Variants in APOBEC3F observed in about 807,000 individuals in gnomAD.
APOBEC3F encodes apolipoprotein B mRNA editing enzyme catalytic subunit 3F, also known as DNA dC->dU-editing enzyme APOBEC-3F.
A neutral mutation model predicts 45.8 loss-of-function variants in APOBEC3F; 34 were observed. The observed-to-expected ratio is 0.74, with a 90% CI of 0.57 to 0.99. The LOEUF (loss-of-function observed/expected upper bound fraction) is 0.99. Ranked by LOEUF, APOBEC3F falls within the 50% of genes least tolerant of loss-of-function variation. APOBEC3F has a pLI of 0.00. For synonymous variants in APOBEC3F, 192 were observed against 174.4 expected (o/e 1.10, Z -0.80); for missense variants, 459 against 474.1 (o/e 0.97, Z 0.30).
chr22:39,044,128 C>T (rs759889906), intron 2 of APOBEC3F: 1 of 1,565,476 alleles, frequency 6.4e-7, no homozygotes, highest in Non-Finnish European at 8.7e-7. Flanking sequence ...GCTCAGTAGC[C>T]CCTTTGGCCA....
intron 4 of APOBEC3F, among the ~76,000 whole-genome samples, 183 bp from the exon 5 acceptor site, chr22:39,049,242 G>A (rs1927364379): frequency 6.6e-6 from 1 of 152,136 alleles, no homozygotes; most frequent in Non-Finnish European, 1.5e-5. Context: ...GGTTCCAGCT[G>A]GGAGAGGTCA....
chr22:39,055,160 C>T lies in APOBEC3F; in HGVS notation c.*2465C>T, dbSNP rs569591528. Reference sequence around the variant, plus strand: ...CAATCTCAGCTCACTGCAACCTCTGCCTTCCGAGTTCAAGCGATTCTCGTG... The same window carrying T: ...CAATCTCAGCTCACTGCAACCTCTGTCTTCCGAGTTCAAGCGATTCTCGTG... On this transcript the variant is annotated 3_prime_UTR_variant, in exon 7 of 7. Transcript: ENST00000308521. Among the ~76,000 whole-genome samples, 1 of 151,708 alleles carries T rather than the reference C, an allele frequency of 6.6e-6. No individual in the cohort carries two copies. Among genetic ancestry groups the T allele is most frequent in the African/African-American group, 2.4e-5 (1 of 41,210 alleles).
intron 6 of APOBEC3F, 72 bp downstream of exon 6, chr22:39,052,425 C>A: frequency 1.3e-6 from 2 of 1,590,788 alleles, no homozygotes; most frequent in South Asian, 1.2e-5. Flanking sequence ...TCTGCAATGC[C>A]GTGGGGCGGG....
chr22:39,041,651 G>T (rs1217670781), intron 1 of APOBEC3F, among the ~76,000 whole-genome samples: 2 of 152,072 alleles, frequency 1.3e-5, no homozygotes, highest in Non-Finnish European at 2.9e-5. Context: ...ATTGCCTGAG[G>T]TCGGGAGTTC....
chr22:39,045,374 G>A (rs1029730186), intron 3 of APOBEC3F, 54 bp from the exon 4 acceptor site: 1 of 1,612,798 alleles, frequency 6.2e-7, no homozygotes, highest in African/African-American at 1.3e-5. Context: ...AGGCCTGGGA[G>A]CGCGGGCCCA....
rs879007758 is a variant in APOBEC3F at position 39,053,017 on chromosome 22, C to T, written c.*322C>T. The T allele has an allele frequency of 2.4e-5, 5 of 212,030 alleles. No individual in the cohort carries two copies. Among genetic ancestry groups the T allele is most frequent in the Admixed American group, 5.7e-5 (1 of 17,520 alleles). 13.1% of individuals were successfully genotyped at this position (212,030 alleles called of 1,614,324 possible). ...TTTTTTTTTTTTTGAGACGGAATTT[C>T]GCTCTGTCACCCAGACTGGAGTGCA... On this transcript the variant is annotated 3_prime_UTR_variant, in exon 7 of 7. Coordinates refer to ENST00000308521, the MANE Select transcript of APOBEC3F (RefSeq NM_145298.6).
chr22:39,047,873 G>A (rs892473125), intron 4 of APOBEC3F, among the ~76,000 whole-genome samples: 4 of 152,170 alleles, frequency 2.6e-5, no homozygotes, highest in Non-Finnish European at 5.9e-5. Context: ...GGAGCAATCA[G>A]GCATTTTGTT....
intron 6 of APOBEC3F, 22 bp from the exon 7 acceptor site, chr22:39,052,555 C>T (rs774831191): frequency 5.0e-6 from 8 of 1,605,982 alleles, no homozygotes; most frequent in Admixed American, 3.4e-5. Context: ...GCCCTCACTG[C>T]TTTCTCCTTG....
At chr22:39,049,819 C>G (rs1277887956) in intron 5 of APOBEC3F, among the ~76,000 whole-genome samples, 1 of 151,858 alleles carries the variant, frequency 6.6e-6, no homozygotes, top group Non-Finnish European at 1.5e-5. Flanking sequence ...TCTGTCTCAG[C>G]CTCCTGAGTA....
chr22:39,046,553 C>A (rs941882139), intron 4 of APOBEC3F, among the ~76,000 whole-genome samples: 4 of 152,106 alleles, frequency 2.6e-5, no homozygotes, highest in African/African-American at 9.7e-5. Flanking sequence ...AATCTGCCCC[C>A]AACAGGGATG....
At position 39,045,082 on chromosome 22, in the gene APOBEC3F, G is replaced by A. The variant is rs765146813; in HGVS notation, c.313G>A (p.Glu105Lys). Reference sequence around the variant, plus strand: ...CCCGGACTGTGTGGCGAAGCTGGCCGAATTCCTGGCTGAGCACCCCAATGT... The same window carrying A: ...CCCGGACTGTGTGGCGAAGCTGGCCAAATTCCTGGCTGAGCACCCCAATGT... ...PCPDCVAKLA[E>K]FLAEHPNVTL... The change falls in exon 3 of 7, where the codon GAA becomes AAA. Residue 105 changes from glutamate (E) to lysine (K), a missense_variant. By Grantham distance (56) the Glu-to-Lys change is moderately conservative. Transcript: ENST00000308521. 7.4e-6 allele frequency: 12 copies of A among 1,613,802 alleles called. No homozygotes were observed. The highest frequency in any genetic ancestry group is 4.0e-5 in the African/African-American group (3 of 74,884).
chr22:39,051,987 G>A (rs1927509709), intron 5 of APOBEC3F, 87 bp from the exon 6 acceptor site: 1 of 1,556,810 alleles, frequency 6.4e-7, no homozygotes, highest in African/African-American at 1.4e-5. Flanking sequence ...GGGGCTCCAG[G>A]CCCGCCCTCT....
rs1454008819 is a variant in APOBEC3F, at chr22:39,052,220, C to T, written c.870C>T (p.Phe290=). 6.2e-7 allele frequency: 1 copy of T among 1,614,064 alleles called. No individual in the cohort carries two copies. The highest frequency in any genetic ancestry group is 1.3e-5 in the African/African-American group (1 of 74,916). ...AGTGTGCAGGGGAGGTGGCCGAGTTCCTGGCCAGGCACAGCAACGTGAATC... is the reference window on the plus strand; with the variant it reads ...AGTGTGCAGGGGAGGTGGCCGAGTTTCTGGCCAGGCACAGCAACGTGAATC... ...CPECAGEVAE[F]LARHSNVNLT... is the part of the protein sequence containing the mutation. Residue 290 remains phenylalanine, a synonymous_variant, in exon 6 of 7, where the codon TTC becomes TTT. Transcript: ENST00000308521.
At chr22:39,041,000 C>G (rs1367371397) in intron 1 of APOBEC3F, 23 bp downstream of exon 1, 13 of 1,580,436 alleles carry the variant, frequency 8.2e-6, no homozygotes, top group Non-Finnish European at 1.1e-5. Context: ...GCTCTACCCG[C>G]TGGGCCCCTC....
chr22:39,046,816 A>T (rs907987581), intron 4 of APOBEC3F, among the ~76,000 whole-genome samples: 1 of 151,938 alleles, frequency 6.6e-6, no homozygotes, highest in Admixed American at 6.6e-5. Context: ...GGGTTTTGCA[A>T]TGTTGGCCAG....
chr22:39,052,615 G>T lies in APOBEC3F; in HGVS notation c.1042G>T (p.Asp348Tyr). 6.2e-7 allele frequency: 1 copy of T among 1,613,982 alleles called. No homozygotes were observed. Among genetic ancestry groups the T allele is most frequent in the South Asian group, 1.1e-5 (1 of 91,060 alleles). ...YCWENFVYND[D>Y]EPFKPWKGLK... The stretch of plus-strand genomic sequence containing the variant: ...TTGGGAAAACTTTGTGTACAATGAT[G>T]ATGAGCCATTCAAGCCTTGGAAAGG... Residue 348 changes from aspartate to tyrosine, a missense_variant, in exon 7 of 7, where the codon GAT becomes TAT. Transcript: ENST00000308521.
At chr22:39,043,964 G>T in intron 2 of APOBEC3F, 4 of 1,379,282 alleles carry the variant, frequency 2.9e-6, no homozygotes, top group Non-Finnish European at 3.8e-6. Context: ...GGCAGAGGTT[G>T]TAGTGAGCCG....
intron 5 of APOBEC3F, among the ~76,000 whole-genome samples, chr22:39,051,750 G>C (rs921883134): frequency 6.6e-6 from 1 of 151,734 alleles, no homozygotes; most frequent in Non-Finnish European, 1.5e-5. Flanking sequence ...CCAAGAGTTC[G>C]AGATCAGCCT....
intron 4 of APOBEC3F, among the ~76,000 whole-genome samples, chr22:39,049,221 C>T (rs553003361): frequency 1.3e-5 from 2 of 152,216 alleles, no homozygotes; most frequent in Admixed American, 6.5e-5. Context: ...CATTGGTAGG[C>T]CCAGAGCTGT....
Sources: allele counts gnomAD v4.1 joint callset (sites outside exome capture counted in the v4.1 genomes callset), GRCh38; gene constraint gnomAD v4.1.1; transcripts MANE v1.5; gene names NCBI Gene and HGNC (gene_info 2026-07-23, HGNC 2026-07-21).